The following RAD51B variants were observed in gnomAD, a reference collection of about 807,000 sequenced individuals.
RAD51B encodes the protein DNA repair protein RAD51 homolog 2.
Under a neutral mutation model 42.2 loss-of-function variants are expected in RAD51B, and 38 were observed. That is an observed-to-expected ratio of 0.90 (90% confidence interval 0.70 to 1.18). The LOEUF is 1.18. RAD51B is among the 50% of genes most tolerant of loss of function. The probability of loss-of-function intolerance (pLI) is 0.00; values close to 1 mark genes in which losing one functional copy is unlikely to be tolerated. For missense variants in RAD51B, 373 were observed against 400.7 expected, an observed-to-expected ratio of 0.93 and a Z score of 0.59; for synonymous variants, 154 against 145.2, an observed-to-expected ratio of 1.06 and a Z score of -0.43.
chr14:68,040,410 G>A (rs575928793), intron 7 of RAD51B, among the ~76,000 whole-genome samples: 4 of 152,092 alleles, frequency 2.6e-5, no homozygotes, highest in Admixed American at 6.5e-5. Context: ...TTTAAACTTA[G>A]CTTTATCCTA....
chr14:68,151,049 A>C (rs11850079), intron 7 of RAD51B, among the ~76,000 whole-genome samples: 3,849 of 152,092 alleles, frequency 0.025, 132 homozygotes, highest in African/African-American at 0.074. Flanking sequence ...TTACTGAATG[A>C]GATTTACCTG....
intron 7 of RAD51B, among the ~76,000 whole-genome samples, chr14:68,118,960 C>CTT (rs1275719428): frequency 6.9e-6 from 1 of 145,508 alleles, no homozygotes. Flanking sequence ...CAAACAAGTT[C>CTT]TTTTTTTTTT....
At chr14:68,633,038 T>G in intron 10 of RAD51B, among the ~76,000 whole-genome samples, 1 of 124,198 alleles carries the variant, frequency 8.1e-6, no homozygotes, top group Admixed American at 1.0e-4. Flanking sequence ...AGGCTGGTCT[T>G]GAACACATGG....
At chr14:68,446,604 C>G (rs2085426854) in intron 9 of RAD51B, among the ~76,000 whole-genome samples, 1 of 152,116 alleles carries the variant, frequency 6.6e-6, no homozygotes, top group Non-Finnish European at 1.5e-5. Flanking sequence ...TTTTGCTGAA[C>G]AATAAGAGTT....
intron 8 of RAD51B, among the ~76,000 whole-genome samples, chr14:68,315,355 T>C (rs537654076): frequency 6.6e-6 from 1 of 152,214 alleles, no homozygotes; most frequent in South Asian, 2.1e-4. Context: ...CCTCTTGGAC[T>C]ATCTGATCTT....
chr14:67,938,536 C>A (rs1455026853), intron 7 of RAD51B, among the ~76,000 whole-genome samples: 1 of 150,782 alleles, frequency 6.6e-6, no homozygotes, highest in Non-Finnish European at 1.5e-5. Context: ...TAGAACATAG[C>A]CCCCAAGAGA....
chr14:68,674,120 TACACACATACACAC>T (rs1251197832), intron 11 of RAD51B, among the ~76,000 whole-genome samples: 2 of 152,000 alleles, frequency 1.3e-5, no homozygotes, highest in Admixed American at 6.6e-5. Context: ...TATACATGCA[TACACACATACACAC>T]ACATATACAA....
intron 7 of RAD51B, among the ~76,000 whole-genome samples, chr14:68,190,971 A>G (rs1430056494): frequency 2.0e-5 from 3 of 152,206 alleles, no homozygotes; most frequent in Admixed American, 2.0e-4. Context: ...AGAAATATGC[A>G]TCTCTTTATT....
chr14:67,956,767 T>A (rs1039909691), intron 7 of RAD51B, among the ~76,000 whole-genome samples: 1 of 152,224 alleles, frequency 6.6e-6, no homozygotes, highest in African/African-American at 2.4e-5. Flanking sequence ...ATGTGGCTAT[T>A]AAAATGAATG....
chr14:68,624,218 A>G (rs1175681158), intron 10 of RAD51B, among the ~76,000 whole-genome samples: 3 of 152,224 alleles, frequency 2.0e-5, no homozygotes, highest in Non-Finnish European at 4.4e-5. Flanking sequence ...ATGGGTGTAG[A>G]ACCAAGGGCT....
intron 8 of RAD51B, among the ~76,000 whole-genome samples, chr14:68,358,513 A>G (rs772234490): frequency 2.0e-5 from 3 of 152,178 alleles, no homozygotes; most frequent in Non-Finnish European, 4.4e-5. Flanking sequence ...CCCCCACACT[A>G]TTGCCTACAC....
downstream of RAD51B, chr14:68,596,134 A>C: frequency 1.5e-6 from 1 of 685,442 alleles, no homozygotes; most frequent in Non-Finnish European, 1.9e-6. Flanking sequence ...CACAACAGAC[A>C]CTTCTGGGGC....
intron 7 of RAD51B, among the ~76,000 whole-genome samples, chr14:68,005,054 T>G (rs1468682650): frequency 7.5e-6 from 1 of 134,076 alleles, no homozygotes; most frequent in African/African-American, 2.9e-5. Flanking sequence ...TGTTTTTTTT[T>G]TTTTTTTTTT....
At chr14:67,851,876 T>A (rs10141638) in intron 4 of RAD51B, among the ~76,000 whole-genome samples, 45,444 of 151,888 alleles carry the variant, frequency 0.3, 7,230 homozygotes, top group Middle Eastern at 0.43. Context: ...GGGGTGCCTG[T>A]GCTGGCGGCC....
downstream of RAD51B, among the ~76,000 whole-genome samples, chr14:68,481,917 A>C (rs1883209137): frequency 6.6e-6 from 1 of 152,228 alleles, no homozygotes; most frequent in Non-Finnish European, 1.5e-5. Flanking sequence ...AGTGATGCTC[A>C]GAATATAGTA....
At chr14:68,548,746 G>A (rs1337149439) in intron 10 of RAD51B, among the ~76,000 whole-genome samples, 1 of 152,200 alleles carries the variant, frequency 6.6e-6, no homozygotes, top group Non-Finnish European at 1.5e-5. Context: ...ACACTGCTAA[G>A]ACAATGCCCA....
At chr14:68,517,220 GAAGGGAAGGGAAGGA>G (rs552831081) in intron 10 of RAD51B, among the ~76,000 whole-genome samples, 3,242 of 152,038 alleles carry the variant, frequency 0.021, 113 homozygotes, top group African/African-American at 0.073. Flanking sequence ...AAAAGAAAGG[GAAGGGAAGGGAAGGA>G]AAGGAAAGGG....
At chr14:68,508,037 C>T (rs781536128) in intron 10 of RAD51B, among the ~76,000 whole-genome samples, 10 of 152,202 alleles carry the variant, frequency 6.6e-5, no homozygotes, top group South Asian at 4.1e-4. Context: ...CCAGAGGTGT[C>T]GTGCTATTTC....
chr14:68,048,710 A>G (rs1595317888), intron 7 of RAD51B, among the ~76,000 whole-genome samples: 1 of 152,344 alleles, frequency 6.6e-6, no homozygotes, highest in East Asian at 1.9e-4. Context: ...AGGAAACAAC[A>G]GGTGCTGGAG....
Sources: allele counts gnomAD v4.1 joint callset (sites outside exome capture counted in the v4.1 genomes callset), GRCh38; gene constraint gnomAD v4.1.1; transcripts MANE v1.5; gene names NCBI Gene and HGNC (gene_info 2026-07-23, HGNC 2026-07-21).